Variants in RABGEF1 observed in about 807,000 individuals in gnomAD.
RABGEF1 encodes the protein rab5 GDP/GTP exchange factor.
RABGEF1 carries 26 observed loss-of-function variants against 57.3 expected under a neutral mutation model. That is an observed-to-expected ratio of 0.45 (90% CI 0.33 to 0.63). RABGEF1 has a LOEUF of 0.63. RABGEF1 is among the 20% of genes least tolerant of loss of function. RABGEF1 has a pLI of 0.02. For missense variants in RABGEF1, 464 were observed against 607.6 expected, an observed-to-expected ratio of 0.76 and a Z score of 2.48; for synonymous variants, 185 against 210.7, an observed-to-expected ratio of 0.88 and a Z score of 1.06.
chr7:66,690,729 T>A (rs1001801277), intron 1 of RABGEF1, among the ~76,000 whole-genome samples: 55 of 151,740 alleles, frequency 3.6e-4, no homozygotes, highest in East Asian at 2.0e-4. Flanking sequence ...ATAAATATTT[T>A]AAAAAATTAA....
the RABGEF1 span, among the ~76,000 whole-genome samples, chr7:66,665,008 G>A: frequency 7.2e-5 from 11 of 152,352 alleles, no homozygotes; most frequent in Admixed American, 2.0e-4. Context: ...ATGAGCTGGC[G>A]AGTCTCGCCA....
At chr7:66,687,189 G>A (rs1370716319) in intron 1 of RABGEF1, among the ~76,000 whole-genome samples, 2 of 140,086 alleles carry the variant, frequency 1.4e-5, no homozygotes, top group African/African-American at 2.7e-5. Context: ...GCAGTTGCTC[G>A]ATCTTGGCTC....
the RABGEF1 span, among the ~76,000 whole-genome samples, chr7:66,657,039 TAG>T: frequency 6.6e-6 from 1 of 151,884 alleles, no homozygotes; most frequent in Admixed American, 6.6e-5. Flanking sequence ...AAGGGAGAAA[TAG>T]AGTTTCAGGA....
intron 2 of RABGEF1, chr7:66,774,012 G>C (rs1197659887): frequency 6.9e-5 from 21 of 305,662 alleles, no homozygotes; most frequent in Non-Finnish European, 1.2e-4. Context: ...CTAATCCAAA[G>C]CCAAATTTAT....
intron 1 of RABGEF1, among the ~76,000 whole-genome samples, chr7:66,763,206 T>C (rs956027648): frequency 3.9e-5 from 6 of 152,094 alleles, no homozygotes; most frequent in Non-Finnish European, 8.8e-5. Flanking sequence ...GATTAGAGGT[T>C]CAAGCAGGCT....
chr7:66,769,682 A>G (rs937493210), intron 1 of RABGEF1, among the ~76,000 whole-genome samples: 1 of 152,238 alleles, frequency 6.6e-6, no homozygotes, highest in Admixed American at 6.5e-5. Context: ...GTCATGCTAG[A>G]AGACAGAACT....
At chr7:66,658,404 G>C in the RABGEF1 span, among the ~76,000 whole-genome samples, 1 of 151,962 alleles carries the variant, frequency 6.6e-6, no homozygotes, top group African/African-American at 2.4e-5. Flanking sequence ...GTGGTGGCAG[G>C]CGCCTGTAAT....
intron 1 of RABGEF1, among the ~76,000 whole-genome samples, chr7:66,767,000 CTTT>C (rs34123866): frequency 1.1e-4 from 11 of 102,590 alleles, no homozygotes; most frequent in Middle Eastern, 6.4e-3. Context: ...TGTCAAGTTT[CTTT>C]TTTTTTTTTT....
intron 1 of RABGEF1, chr7:66,748,883 AC>A (rs1158670017): frequency 4.1e-6 from 1 of 242,180 alleles, no homozygotes; most frequent in Non-Finnish European, 9.0e-6. Context: ...CCTTATTGAA[AC>A]CCTCACAGAG....
At position 66,711,748 on chromosome 7, in the gene RABGEF1, G is replaced by A. The variant is rs191480182; in HGVS notation, c.-872-419G>A. Among the ~76,000 whole-genome samples the A allele has an allele frequency of 1.5e-3, 224 of 152,004 alleles. 1 individual carries two copies. The highest frequency in any genetic ancestry group is 5.2e-3 in the African/African-American group (215 of 41,460). On this transcript the variant is annotated intron_variant and NMD_transcript_variant, in intron 1 of 9. Coordinates refer to the RABGEF1 transcript ENST00000607882. Reference sequence around the variant, plus strand: ...ACTACAGGTGCCTGACACCATGCCCGGCTAATTTTTTGTATTTTTAGTAGA... The same window carrying A: ...ACTACAGGTGCCTGACACCATGCCCAGCTAATTTTTTGTATTTTTAGTAGA...
intron 1 of RABGEF1, among the ~76,000 whole-genome samples, chr7:66,707,922 A>G (rs749032698): frequency 2.0e-5 from 3 of 152,150 alleles, no homozygotes; most frequent in Non-Finnish European, 2.9e-5. Context: ...TGACATTAAT[A>G]TAGCCACTCT....
the RABGEF1 span, among the ~76,000 whole-genome samples, chr7:66,675,855 G>A: frequency 2.6e-5 from 4 of 152,186 alleles, no homozygotes; most frequent in Admixed American, 6.5e-5. Context: ...AAATACTTTA[G>A]GGTAAATTTA....
At chr7:66,764,555 C>G (rs759114588) in intron 1 of RABGEF1, among the ~76,000 whole-genome samples, 2 of 152,144 alleles carry the variant, frequency 1.3e-5, no homozygotes, top group African/African-American at 2.4e-5. Context: ...AATTTTACCT[C>G]TACATTTTCT....
chr7:66,755,951 A>G (rs1802605445), intron 1 of RABGEF1: 3 of 807,182 alleles, frequency 3.7e-6, no homozygotes, highest in Non-Finnish European at 5.6e-6. Context: ...TAAAACTCTG[A>G]CATTGACATT....
chr7:66,722,470 T>TA (rs1796156140), intron 2 of RABGEF1, among the ~76,000 whole-genome samples: 1 of 152,078 alleles, frequency 6.6e-6, no homozygotes, highest in East Asian at 1.9e-4. Context: ...ACCCTGTCCT[T>TA]ACAAAGAAAG....
At chr7:66,727,697 C>G (rs550415777) in intron 2 of RABGEF1, among the ~76,000 whole-genome samples, 2 of 152,358 alleles carry the variant, frequency 1.3e-5, no homozygotes, top group Admixed American at 1.3e-4. Flanking sequence ...CAGCCCCTCG[C>G]AGGGGTCCTG....
intron 1 of RABGEF1, among the ~76,000 whole-genome samples, chr7:66,699,317 G>A (rs562683456): frequency 5.9e-5 from 9 of 152,196 alleles, no homozygotes; most frequent in Non-Finnish European, 1.5e-5. Context: ...GACTGGATTT[G>A]AATCCTGTCT....
intron 7 of RABGEF1, among the ~76,000 whole-genome samples, chr7:66,800,046 T>C (rs771686885): frequency 6.6e-6 from 1 of 152,208 alleles, no homozygotes; most frequent in African/African-American, 2.4e-5. Flanking sequence ...AAAATCTTAA[T>C]GGAGAGATGG....
chr7:66,791,361 T>C (rs1308552968), intron 4 of RABGEF1, among the ~76,000 whole-genome samples: 1 of 152,216 alleles, frequency 6.6e-6, no homozygotes, highest in East Asian at 1.9e-4. Context: ...TGAGATGGAC[T>C]TTCTCAGAAT....
Sources: gnomAD v4.1 joint callset for allele counts (sites outside exome capture counted in the v4.1 genomes callset) on GRCh38, gnomAD v4.1.1 for gene constraint, MANE v1.5 for transcripts, NCBI Gene and HGNC (gene_info 2026-07-23, HGNC 2026-07-21) for gene names.